Variants in ASPRV1 observed in about 807,000 individuals in gnomAD.
ASPRV1 encodes aspartic peptidase retroviral like 1.
In ASPRV1, 7 loss-of-function variants were observed where a neutral mutation model predicts 11.0. That is an observed-to-expected ratio of 0.64 (90% CI 0.36 to 1.20). ASPRV1 has a LOEUF of 1.20. Among genes scored for constraint, ASPRV1 ranks in the 50% most tolerant of loss-of-function variants. The pLI is 0.02. For missense variants in ASPRV1, 299 were observed against 320.0 expected (o/e 0.93, Z 0.50); for synonymous variants, 136 against 138.4 (o/e 0.98, Z 0.12).
At chr2:70,062,998 A>T in the ASPRV1 span, among the ~76,000 whole-genome samples, 1 of 152,152 alleles carries the variant, frequency 6.6e-6, no homozygotes, top group Non-Finnish European at 1.5e-5. Flanking sequence ...CTAGGAAGGA[A>T]ATGCAGGTGC....
chr2:69,991,258 T>C, the ASPRV1 span, among the ~76,000 whole-genome samples: 3 of 152,322 alleles, frequency 2.0e-5, no homozygotes, highest in East Asian at 5.8e-4. Flanking sequence ...CTCCCTGTGC[T>C]AGGTCCTTGC....
the ASPRV1 span, among the ~76,000 whole-genome samples, chr2:69,948,642 G>C: frequency 6.6e-6 from 1 of 152,172 alleles, no homozygotes; most frequent in Non-Finnish European, 1.5e-5. Context: ...CTGGAGGAAA[G>C]GGGGCTGGCT....
the ASPRV1 span, among the ~76,000 whole-genome samples, chr2:70,026,538 G>C: frequency 6.6e-6 from 1 of 151,878 alleles, no homozygotes; most frequent in African/African-American, 2.4e-5. Context: ...ACGAAAATCA[G>C]TAGCATTTCT....
At chr2:69,973,617 G>C in the ASPRV1 span, among the ~76,000 whole-genome samples, 1 of 152,182 alleles carries the variant, frequency 6.6e-6, no homozygotes, top group African/African-American at 2.4e-5. Flanking sequence ...CAAAGTGCTG[G>C]GATCACAGGC....
At chr2:69,954,166 C>G in the ASPRV1 span, among the ~76,000 whole-genome samples, 1 of 152,244 alleles carries the variant, frequency 6.6e-6, no homozygotes, top group Non-Finnish European at 1.5e-5. Context: ...TCTCCATTGT[C>G]TGAGAATGAA....
the ASPRV1 span, chr2:69,935,218 A>G: frequency 1.5e-6 from 1 of 651,970 alleles, no homozygotes; most frequent in Non-Finnish European, 2.8e-6. Flanking sequence ...ATGTTTATTC[A>G]GCAAAAGGTC....
At chr2:70,009,310 T>TATTTA in the ASPRV1 span, among the ~76,000 whole-genome samples, 53 of 104,922 alleles carry the variant, frequency 5.1e-4, no homozygotes, top group African/African-American at 2.8e-3. Flanking sequence ...TAATTTATTG[T>TATTTA]CTTATTTATT....
the ASPRV1 span, among the ~76,000 whole-genome samples, chr2:70,068,946 C>CAAAAAAAAAAAAA: frequency 1.7e-5 from 1 of 59,084 alleles, no homozygotes; most frequent in Non-Finnish European, 3.4e-5. Flanking sequence ...ACTCTTGTCT[C>CAAAAAAAAAAAAA]AAAAAAAAAA....
the ASPRV1 span, among the ~76,000 whole-genome samples, chr2:70,039,893 G>C: frequency 6.6e-6 from 1 of 152,168 alleles, no homozygotes; most frequent in African/African-American, 2.4e-5. Context: ...TGGGGGAATA[G>C]AAAACAGTAA....
the ASPRV1 span, among the ~76,000 whole-genome samples, chr2:69,974,398 A>G: frequency 6.6e-6 from 1 of 152,098 alleles, no homozygotes; most frequent in African/African-American, 2.4e-5. Context: ...TTGCCTTAAT[A>G]TAATTCATTT....
chr2:70,043,078 C>T, the ASPRV1 span, among the ~76,000 whole-genome samples: 1 of 152,228 alleles, frequency 6.6e-6, no homozygotes, highest in East Asian at 1.9e-4. Context: ...ATCATAAAGG[C>T]AGTTAGAGAA....
the ASPRV1 span, among the ~76,000 whole-genome samples, chr2:69,986,585 T>C: frequency 1.3e-5 from 2 of 152,176 alleles, no homozygotes; most frequent in Non-Finnish European, 2.9e-5. Flanking sequence ...CAGACCCTCG[T>C]TCATGCAGCA....
upstream of ASPRV1, among the ~76,000 whole-genome samples, chr2:69,966,152 G>C (rs2104304287): frequency 6.6e-6 from 1 of 152,330 alleles, no homozygotes; most frequent in East Asian, 1.9e-4. Context: ...CTGGGGTCAA[G>C]GCCAGGACCA....
chr2:70,008,236 AT>A, the ASPRV1 span, among the ~76,000 whole-genome samples: 1 of 151,990 alleles, frequency 6.6e-6, no homozygotes, highest in Admixed American at 6.6e-5. Flanking sequence ...TTTCTTATTA[AT>A]TTTTTTAAGT....
the ASPRV1 span, among the ~76,000 whole-genome samples, chr2:69,973,630 G>C: frequency 1.3e-5 from 2 of 152,236 alleles, no homozygotes; most frequent in African/African-American, 2.4e-5. Flanking sequence ...TCACAGGCAA[G>C]AGCCACTGCA....
the ASPRV1 span, among the ~76,000 whole-genome samples, chr2:70,074,543 T>G: frequency 4.6e-5 from 7 of 151,458 alleles, no homozygotes; most frequent in South Asian, 1.5e-3. Context: ...CCCAAAGTAC[T>G]GGGATTACAG....
At chr2:70,075,877 AT>A in the ASPRV1 span, among the ~76,000 whole-genome samples, 1 of 152,118 alleles carries the variant, frequency 6.6e-6, no homozygotes, top group Admixed American at 6.6e-5. Flanking sequence ...AAAATTCTCA[AT>A]GTGTATGCTG....
the ASPRV1 span, among the ~76,000 whole-genome samples, chr2:70,065,562 T>TA: frequency 6.6e-6 from 1 of 151,752 alleles, no homozygotes; most frequent in Non-Finnish European, 1.5e-5. Flanking sequence ...TTAGAATCAT[T>TA]AGATAGTCAA....
At chr2:69,936,360 C>T in the ASPRV1 span, among the ~76,000 whole-genome samples, 1 of 152,074 alleles carries the variant, frequency 6.6e-6, no homozygotes, top group Non-Finnish European at 1.5e-5. Flanking sequence ...TCTTTGTGCT[C>T]ACCTCACAGC....
Sources: gnomAD v4.1 joint callset for allele counts (sites outside exome capture counted in the v4.1 genomes callset) on GRCh38, gnomAD v4.1.1 for gene constraint, MANE v1.5 for transcripts, NCBI Gene and HGNC (gene_info 2026-07-23, HGNC 2026-07-21) for gene names.